TIAM1: variants seen among roughly 807,000 people sequenced by gnomAD.
TIAM1 encodes the protein TIAM Rac1 associated GEF 1, also known as rho guanine nucleotide exchange factor TIAM1.
TIAM1 carries 65 observed loss-of-function variants against 163.5 expected under a neutral mutation model. The observed-to-expected ratio is 0.40, with a 90% CI of 0.33 to 0.49. The LOEUF (loss-of-function observed/expected upper bound fraction) is 0.49, where lower values mean the gene tolerates loss of function less well. Among genes scored for constraint, TIAM1 ranks in the 20% least tolerant of loss-of-function variants. TIAM1 has a pLI of 0.77. For missense variants in TIAM1, 1,789 were observed against 2,044.7 expected (o/e 0.87, Z 2.41); for synonymous variants, 833 against 810.1 (o/e 1.03, Z -0.48).
chr21:31,538,135 A>T (rs2048198972), intron 1 of TIAM1, among the ~76,000 whole-genome samples: 1 of 152,242 alleles, frequency 6.6e-6, no homozygotes, highest in Admixed American at 6.5e-5. Context: ...TTCTAGATCT[A>T]TGTGCTGGTT....
intron 1 of TIAM1, among the ~76,000 whole-genome samples, chr21:31,535,092 A>G (rs538321432): frequency 6.6e-6 from 1 of 151,246 alleles, no homozygotes; most frequent in South Asian, 2.1e-4. Flanking sequence ...CCTGTCTCAA[A>G]AAAAAAAAGG....
At chr21:31,359,805 A>G (rs1317872296) in intron 2 of TIAM1, among the ~76,000 whole-genome samples, 10 of 90,736 alleles carry the variant, frequency 1.1e-4, no homozygotes, top group Admixed American at 1.0e-3. Context: ...AAAGAAAGAA[A>G]AAGGAAGGAA....
At position 31,213,386 on chromosome 21, in the gene TIAM1, G is replaced by A. The variant is rs369267238; in HGVS notation, c.2217+12C>T. The A allele has an allele frequency of 4.1e-5, 66 of 1,607,360 alleles. No homozygotes were observed. Among genetic ancestry groups the A allele is most frequent in the East Asian group, 1.8e-4 (8 of 44,756 alleles). ...GGTACTTTTAGAAAAGAAAACACAC[G>A]TTTATTTTTACCTTGCCATCTGGAA... On this transcript the variant is annotated intron_variant, in intron 10 of 27. Transcript: ENST00000541036.
intron 2 of TIAM1, among the ~76,000 whole-genome samples, chr21:31,390,337 G>C (rs1461737959): frequency 7.2e-5 from 11 of 152,134 alleles, no homozygotes; most frequent in Admixed American, 7.2e-4. Flanking sequence ...TAAAACTTTT[G>C]TATTACTGTT....
At chr21:31,435,702 C>T (rs1477586003) in intron 2 of TIAM1, among the ~76,000 whole-genome samples, 6 of 152,220 alleles carry the variant, frequency 3.9e-5, no homozygotes, top group Non-Finnish European at 7.3e-5. Context: ...TGTTCCCCAA[C>T]ATTCAAGGGT....
At chr21:31,337,763 C>A (rs2075891067) in intron 2 of TIAM1, among the ~76,000 whole-genome samples, 1 of 152,032 alleles carries the variant, frequency 6.6e-6, no homozygotes, top group South Asian at 2.1e-4. Flanking sequence ...CTCTTGACCT[C>A]AAGTAATCCG....
chr21:31,287,677 A>G (rs1229884388), intron 2 of TIAM1, among the ~76,000 whole-genome samples: 5 of 152,190 alleles, frequency 3.3e-5, no homozygotes, highest in African/African-American at 4.8e-5. Context: ...TGAGGAATGA[A>G]AGTATCATTA....
At chr21:31,353,752 T>G (rs2076270603) in intron 2 of TIAM1, among the ~76,000 whole-genome samples, 1 of 152,154 alleles carries the variant, frequency 6.6e-6, no homozygotes, top group South Asian at 2.1e-4. Flanking sequence ...ACCTCACTAC[T>G]GCATTTGGGC....
Position 31,182,455 on chromosome 21 carries a change from G to A in TIAM1, c.2853C>T (p.Gly951=), listed in dbSNP as rs371588237. ...PHRVDGPADL[G]ESPLAFLTSN... Reference sequence around the variant, plus strand: ...TGGTGAGAAAGGCGAGGGGGCTCTCGCCAAGGTCGGCAGGGCCGTCCACTC... The same window carrying A: ...TGGTGAGAAAGGCGAGGGGGCTCTCACCAAGGTCGGCAGGGCCGTCCACTC... Residue 951 remains glycine (G), a synonymous_variant, in exon 15 of 28, where the codon GGC becomes GGT. Transcript: ENST00000541036. 15 of 1,598,340 alleles carry A rather than the reference G, an allele frequency of 9.4e-6. No individual in the cohort carries two copies. The highest frequency in any genetic ancestry group is 8.1e-5 in the African/African-American group (6 of 74,362).
chr21:31,182,038 C>A (rs2085055766), intron 15 of TIAM1, among the ~76,000 whole-genome samples: 1 of 151,452 alleles, frequency 6.6e-6, no homozygotes, highest in African/African-American at 2.4e-5. Context: ...CCTGCTTCCA[C>A]CTCCCAAGTG....
At chr21:31,422,643 C>T (rs13048773) in intron 2 of TIAM1, among the ~76,000 whole-genome samples, 18,965 of 152,140 alleles carry the variant, frequency 0.12, 1,772 homozygotes, top group African/African-American at 0.26. Flanking sequence ...TTGATGCCTG[C>T]GCTCACACCA....
At chr21:31,154,226 G>A (rs1302865833) in intron 17 of TIAM1, 21 bp downstream of exon 17, 1 of 1,610,146 alleles carries the variant, frequency 6.2e-7, no homozygotes, top group South Asian at 1.1e-5. Context: ...GGGAGGGCAG[G>A]GGGAGAAAAA....
chr21:31,293,478 T>C (rs1243652431), intron 2 of TIAM1, among the ~76,000 whole-genome samples: 2 of 152,236 alleles, frequency 1.3e-5, no homozygotes, highest in Non-Finnish European at 2.9e-5. Context: ...TGAACCATCA[T>C]TCCCCACACA....
chr21:31,405,210 T>C (rs1264199743), intron 2 of TIAM1, among the ~76,000 whole-genome samples: 1 of 152,146 alleles, frequency 6.6e-6, no homozygotes, highest in Non-Finnish European at 1.5e-5. Context: ...ATCATGCCAC[T>C]GCACTCCAAC....
At chr21:31,172,895 C>T (rs375251791) in intron 15 of TIAM1, among the ~76,000 whole-genome samples, 17 of 151,974 alleles carry the variant, frequency 1.1e-4, no homozygotes, top group East Asian at 3.9e-4. Flanking sequence ...AAAAAAACTG[C>T]GGTAACCCTG....
intron 14 of TIAM1, 130 bp from the exon 15 acceptor site, chr21:31,182,775 G>A (rs897849174): frequency 3.3e-6 from 3 of 912,906 alleles, no homozygotes; most frequent in East Asian, 2.8e-5. Context: ...GACAGGCTGC[G>A]GTGCTCGGGA....
chr21:31,509,412 T>A (rs8128786), intron 1 of TIAM1, among the ~76,000 whole-genome samples: 14 of 152,180 alleles, frequency 9.2e-5, no homozygotes, highest in Admixed American at 7.2e-4. Context: ...TCAAGGGCCA[T>A]GTGAGCACCA....
intron 10 of TIAM1, among the ~76,000 whole-genome samples, chr21:31,210,984 CATATTT>C (rs10600411): frequency 0.088 from 13,248 of 150,966 alleles, 1,897 homozygotes; most frequent in African/African-American, 0.3. Context: ...TTTAGCACTA[CATATTT>C]ATATTTATAT....
intron 2 of TIAM1, among the ~76,000 whole-genome samples, chr21:31,313,862 C>A (rs2075017502): frequency 6.6e-6 from 1 of 152,220 alleles, no homozygotes; most frequent in Non-Finnish European, 1.5e-5. Context: ...CAGGCATGAG[C>A]CACTGTGCTC....
Sources: gnomAD v4.1 joint callset for allele counts (sites outside exome capture counted in the v4.1 genomes callset) on GRCh38, gnomAD v4.1.1 for gene constraint, MANE v1.5 for transcripts, NCBI Gene and HGNC (gene_info 2026-07-23, HGNC 2026-07-21) for gene names.